Variants in ZNF519 observed in about 807,000 individuals in gnomAD.
The protein encoded by ZNF519 is zinc finger protein 519, also known as similar to Zinc finger protein 85 (Zinc finger protein HPF4) (HTF1).
A neutral mutation model predicts 7.4 loss-of-function variants in ZNF519; 7 were observed. That is an observed-to-expected ratio of 0.94 (90% confidence interval 0.54 to 1.77). ZNF519 has a LOEUF of 1.77. Ranked by LOEUF, ZNF519 falls within the 40% of genes most tolerant of loss-of-function variation. The probability of loss-of-function intolerance (pLI) is 0.00; values close to 1 mark genes in which losing one functional copy is unlikely to be tolerated. For synonymous variants in ZNF519, 179 were observed against 203.3 expected (o/e 0.88, Z 1.02); for missense variants, 586 against 623.1 (o/e 0.94, Z 0.63).
In ZNF519 at chr18:14,132,236, C is replaced by T. The variant is rs777697204; in HGVS notation, c.3+39G>A. On this transcript the variant is annotated intron_variant, in intron 1 of 2. Coordinates refer to ENST00000590202, the MANE Select transcript of ZNF519 (RefSeq NM_145287.4). ...CATGTCCAGCCGGTTCCAAGGAGCC[C>T]CCTCCCCAGTCTCGGTACGCCCTGC... is the stretch of plus-strand genomic sequence containing the variant. 4.3e-6 allele frequency: 7 copies of T among 1,612,592 alleles called. No homozygotes were observed. The South Asian group carries it at 6.6e-5, about 15-fold the overall frequency.
intron 1 of ZNF519, among the ~76,000 whole-genome samples, chr18:14,128,315 C>T (rs559081309): frequency 4.7e-4 from 45 of 95,678 alleles, no homozygotes; most frequent in Admixed American, 1.1e-3. Context: ...CAAACAAACT[C>T]TCCACCATAA....
At chr18:14,089,545 T>C (rs1482697035) in intron 2 of ZNF519, among the ~76,000 whole-genome samples, 1 of 79,806 alleles carries the variant, frequency 1.3e-5, no homozygotes, top group Non-Finnish European at 2.5e-5. Context: ...TTAACTTTTA[T>C]GGAGTTGAAA....
chr18:14,110,951 C>T (rs996426499), intron 2 of ZNF519, among the ~76,000 whole-genome samples: 11 of 151,930 alleles, frequency 7.2e-5, no homozygotes, highest in Non-Finnish European at 1.0e-4. Context: ...GTACACTGCT[C>T]GGGTGACAGG....
chr18:14,125,933 G>A (rs62086329), intron 1 of ZNF519, among the ~76,000 whole-genome samples: 31,671 of 152,108 alleles, frequency 0.21, 4,079 homozygotes, highest in Admixed American at 0.3. Flanking sequence ...TGATCTGCCC[G>A]CCTTGGCCTC....
Position 14,106,353 on chromosome 18 carries a change from A to G in ZNF519, c.187T>C (p.Phe63Leu), listed in dbSNP as rs1278423447. The G allele has an allele frequency of 2.5e-6, 4 of 1,612,574 alleles. No individual in the cohort carries two copies. The South Asian group carries it at 4.4e-5, about 18-fold the overall frequency. Residue 63 changes from phenylalanine (F) to leucine (L), a missense_variant, in exon 3 of 3, where the codon TTC becomes CTC. By Grantham distance (22) the Phe-to-Leu change is conservative. Coordinates refer to ENST00000590202, the MANE Select transcript of ZNF519 (RefSeq NM_145287.4). ...ILPEQGIQDS[F>L]KKATLGRYGS... ...TATCTTCCCAGTGTTGCTTTTTTGA[A>G]TGAATCTTGTATGCCTTGCTCTGGT...
At chr18:14,130,494 G>A (rs1175163137) in intron 1 of ZNF519, among the ~76,000 whole-genome samples, 2 of 151,966 alleles carry the variant, frequency 1.3e-5, no homozygotes, top group African/African-American at 4.8e-5. Context: ...ATCTATACAG[G>A]GGGACAAACT....
At chr18:14,131,595 G>A (rs531370603) in intron 1 of ZNF519, among the ~76,000 whole-genome samples, 1 of 152,236 alleles carries the variant, frequency 6.6e-6, no homozygotes, top group South Asian at 2.1e-4. Context: ...AGTGGTCTAG[G>A]CCTCTATGTA....
intron 1 of ZNF519, among the ~76,000 whole-genome samples, chr18:14,131,527 G>A (rs1403920459): frequency 6.6e-6 from 1 of 152,202 alleles, no homozygotes; most frequent in Non-Finnish European, 1.5e-5. Flanking sequence ...GCGAAAACCA[G>A]TGTCTTTGAT....
At chr18:14,113,772 A>C (rs1340574546) in intron 2 of ZNF519, among the ~76,000 whole-genome samples, 1 of 151,076 alleles carries the variant, frequency 6.6e-6, no homozygotes, top group Non-Finnish European at 1.5e-5. Context: ...AGAGTACTAG[A>C]GTTCCCTTTT....
At chr18:14,082,325 C>G (rs1294301082) in intron 3 of ZNF519, 1 of 151,956 alleles carries the variant, frequency 6.6e-6, no homozygotes, top group African/African-American at 2.4e-5. Flanking sequence ...GCAAACAGAA[C>G]TAAGAAAGCA....
chr18:14,123,730 A>G (rs1324383765), intron 2 of ZNF519, among the ~76,000 whole-genome samples: 1 of 152,146 alleles, frequency 6.6e-6, no homozygotes, highest in Non-Finnish European at 1.5e-5. Context: ...ATACATAAAT[A>G]AATAAATAAG....
intron 2 of ZNF519, among the ~76,000 whole-genome samples, chr18:14,112,278 C>G (rs888230887): frequency 6.6e-6 from 1 of 152,038 alleles, no homozygotes; most frequent in African/African-American, 2.4e-5. Context: ...AATATCCCCT[C>G]ATGACAGAAA....
chr18:14,132,414 G>T lies in ZNF519; in HGVS notation c.-137C>A, dbSNP rs2046335896. On this transcript the variant is annotated 5_prime_UTR_variant, in exon 1 of 3. Transcript: ENST00000590202. ...CACAAGGCAATGAAGCCCTAACCCC[G>T]CGCTCTGGCTGAAGTGAGACAAAGG... 2 of 1,088,922 alleles carry T rather than the reference G, an allele frequency of 1.8e-6. No individual in the cohort carries two copies. The highest frequency in any genetic ancestry group is 2.1e-5 in the Admixed American group (1 of 48,072). The allele number at this position is 1,088,922 out of a possible 1,614,324, so 67.5% of individuals were successfully genotyped here. A position where few individuals can be genotyped will look rare whatever the true frequency, so the allele number is the denominator to read the frequency against.
At chr18:14,111,656 A>G (rs1312794070) in intron 2 of ZNF519, among the ~76,000 whole-genome samples, 4 of 152,180 alleles carry the variant, frequency 2.6e-5, no homozygotes, top group Admixed American at 6.5e-5. Context: ...CTATGAGCAG[A>G]TAGATGCCAT....
At chr18:14,092,084 C>A (rs78180090) in intron 2 of ZNF519, among the ~76,000 whole-genome samples, 1 of 152,046 alleles carries the variant, frequency 6.6e-6, no homozygotes, top group Non-Finnish European at 1.5e-5. Context: ...GCTGGGAGGC[C>A]GTACCAGTGA....
At chr18:14,116,255 T>C (rs2046245408) in intron 2 of ZNF519, among the ~76,000 whole-genome samples, 1 of 152,238 alleles carries the variant, frequency 6.6e-6, no homozygotes, top group African/African-American at 2.4e-5. Context: ...CCCAGTGATA[T>C]TCAAATTCAA....
rs1406410698 is a variant in ZNF519 at position 14,106,374 on chromosome 18, C to T, written c.166G>A (p.Glu56Lys). 6.2e-7 allele frequency: 1 copy of T among 1,605,814 alleles called. No homozygotes were observed. The highest frequency in any genetic ancestry group is 2.2e-5 in the East Asian group (1 of 44,798). ...TTGAATGAATCTTGTATGCCTTGCT[C>T]TGGTAAAATGCCTTGGTTGTAATAA... Reference protein sequence around the residue: ...YSYYNQGILPEQGIQDSFKKA... With the variant: ...YSYYNQGILPKQGIQDSFKKA... Residue 56 changes from glutamate (E) to lysine (K), a missense_variant, in exon 3 of 3, where the codon GAG becomes AAG. Glu to Lys is a moderately conservative substitution (Grantham distance 56). Transcript: ENST00000590202.
chr18:14,090,528 C>T (rs2046110201), intron 2 of ZNF519: 1 of 152,322 alleles, frequency 6.6e-6, no homozygotes, highest in East Asian at 1.9e-4. Flanking sequence ...CCCAGGAGGC[C>T]AAGAGCCAAG....
chr18:14,124,210 C>A, intron 2 of ZNF519, 140 bp downstream of exon 2: 16 of 680,494 alleles, frequency 2.4e-5, no homozygotes, highest in Non-Finnish European at 3.5e-5. Flanking sequence ...CTTTTTTACA[C>A]TAGCAAACTC....
Sources: allele counts gnomAD v4.1 joint callset (sites outside exome capture counted in the v4.1 genomes callset), GRCh38; gene constraint gnomAD v4.1.1; transcripts MANE v1.5; gene names NCBI Gene and HGNC (gene_info 2026-07-23, HGNC 2026-07-21).